Variants in TBL1X observed in about 807,000 individuals in gnomAD.
TBL1X encodes F-box-like/WD repeat-containing protein TBL1X.
A neutral mutation model predicts 50.7 loss-of-function variants in TBL1X; 10 were observed. The ratio of observed to expected loss-of-function variants is 0.20; its 90% CI spans 0.12 to 0.33. The LOEUF is 0.33. Among genes scored for constraint, TBL1X ranks in the 10% least tolerant of loss-of-function variants. TBL1X has a pLI of 1.00. For synonymous variants in TBL1X, 190 were observed against 214.7 expected, an observed-to-expected ratio of 0.88 and a Z score of 1.01; for missense variants, 340 against 504.4, an observed-to-expected ratio of 0.67 and a Z score of 3.12.
intron 2 of TBL1X, among the ~76,000 whole-genome samples, chrX:9,590,745 A>AT (rs1417120456): frequency 9.0e-6 from 1 of 110,972 alleles, no homozygotes; most frequent in African/African-American, 3.3e-5. Flanking sequence ...TATTGCTTTG[A>AT]TTTTTCATGA....
At chrX:9,568,714 C>CTG (rs758033244) in intron 2 of TBL1X, among the ~76,000 whole-genome samples, 1 of 100,159 alleles carries the variant, frequency 1.0e-5, no homozygotes, top group Non-Finnish European at 2.0e-5. Context: ...TTGTGTCTAT[C>CTG]TGCAGTGTGC....
At chrX:9,583,866 G>T (rs2082454672) in intron 2 of TBL1X, among the ~76,000 whole-genome samples, 1 of 112,149 alleles carries the variant, frequency 8.9e-6, no homozygotes, top group Admixed American at 9.4e-5. Flanking sequence ...AATGATTCCT[G>T]TGATACATGA....
At chrX:9,695,586 T>A (rs1490380855) in intron 11 of TBL1X, among the ~76,000 whole-genome samples, 1 of 112,420 alleles carries the variant, frequency 8.9e-6, no homozygotes, top group African/African-American at 3.2e-5. Context: ...AGCAGTTCAC[T>A]ACTGCATGTG....
At chrX:9,608,813 A>G (rs2082597110) in intron 2 of TBL1X, among the ~76,000 whole-genome samples, 1 of 111,994 alleles carries the variant, frequency 8.9e-6, no homozygotes, top group Non-Finnish European at 1.9e-5. Flanking sequence ...GGTGTTTCAG[A>G]CCCAGGTAGG....
chrX:9,695,655 T>C (rs757978673), intron 11 of TBL1X, among the ~76,000 whole-genome samples: 1 of 112,162 alleles, frequency 8.9e-6, no homozygotes, highest in South Asian at 3.7e-4. Flanking sequence ...ACTCCCATTC[T>C]ATAGAGGACG....
intron 3 of TBL1X, among the ~76,000 whole-genome samples, chrX:9,646,394 A>G (rs1421035763): frequency 8.9e-6 from 1 of 112,711 alleles, no homozygotes; most frequent in African/African-American, 3.2e-5. Context: ...TGGGATTTAT[A>G]TGTAAACTTT....
intron 1 of TBL1X, among the ~76,000 whole-genome samples, chrX:9,482,154 A>C (rs1302776583): frequency 8.9e-6 from 1 of 112,070 alleles, no homozygotes; most frequent in Non-Finnish European, 1.9e-5. Flanking sequence ...AATGCTTTCA[A>C]ATTTTTCTTT....
At chrX:9,659,316 G>C (rs971618085) in intron 5 of TBL1X, among the ~76,000 whole-genome samples, 12 of 111,941 alleles carry the variant, frequency 1.1e-4, no homozygotes, top group Admixed American at 1.9e-4. Context: ...TCTGTCCCTA[G>C]AGTTTTGCCC....
At chrX:9,467,913 A>G (rs979682252) in intron 1 of TBL1X, among the ~76,000 whole-genome samples, 1 of 112,424 alleles carries the variant, frequency 8.9e-6, no homozygotes, top group Non-Finnish European at 1.9e-5. Flanking sequence ...GACAGCCGTT[A>G]AGGAGTCCGC....
chrX:9,535,612 A>T (rs1441918839), intron 2 of TBL1X, among the ~76,000 whole-genome samples: 3 of 112,388 alleles, frequency 2.7e-5, no homozygotes, highest in Non-Finnish European at 5.6e-5. Flanking sequence ...TTTTGTGAAA[A>T]TAACCTTGCA....
chrX:9,552,069 G>T (rs1360059270), intron 2 of TBL1X, among the ~76,000 whole-genome samples: 1 of 112,403 alleles, frequency 8.9e-6, no homozygotes, highest in African/African-American at 3.2e-5. Flanking sequence ...GTGCAGTGAG[G>T]TGGCACTGGA....
chrX:9,630,383 C>T (rs1457692901), intron 2 of TBL1X, among the ~76,000 whole-genome samples: 3 of 111,540 alleles, frequency 2.7e-5, no homozygotes, highest in Admixed American at 9.5e-5. Flanking sequence ...CCCTCGGTAT[C>T]TGTGGGGTAT....
At chrX:9,566,669 C>T (rs1244455157) in intron 2 of TBL1X, among the ~76,000 whole-genome samples, 1 of 112,293 alleles carries the variant, frequency 8.9e-6, no homozygotes, top group Admixed American at 9.4e-5. Flanking sequence ...TTGAATTTCT[C>T]TGGAGTTGAA....
At chrX:9,686,824 G>A (rs1279605162) in intron 6 of TBL1X, among the ~76,000 whole-genome samples, 4 of 112,499 alleles carry the variant, frequency 3.6e-5, no homozygotes, top group African/African-American at 6.5e-5. Context: ...GGAGGAAGGG[G>A]GTGTGGGAGC....
At chrX:9,591,388 A>G (rs2082499148) in intron 2 of TBL1X, among the ~76,000 whole-genome samples, 1 of 112,293 alleles carries the variant, frequency 8.9e-6, no homozygotes, top group Admixed American at 9.4e-5. Flanking sequence ...GCCTTGCTGT[A>G]GATCCCAATC....
At chrX:9,708,719 AAAAAAG>A (rs1285834371) in intron 13 of TBL1X, among the ~76,000 whole-genome samples, 11 of 107,160 alleles carry the variant, frequency 1.0e-4, no homozygotes, top group Admixed American at 8.0e-4. Flanking sequence ...AAAAAAAAAA[AAAAAAG>A]GGCATGGTGG....
At chrX:9,585,693 T>C (rs1388523732) in intron 2 of TBL1X, among the ~76,000 whole-genome samples, 2 of 111,482 alleles carry the variant, frequency 1.8e-5, no homozygotes, top group African/African-American at 6.5e-5. Context: ...AGGCCTCTCT[T>C]CTTGGCTTGT....
chrX:9,598,870 A>G (rs1164585389), intron 2 of TBL1X, among the ~76,000 whole-genome samples: 1 of 109,045 alleles, frequency 9.2e-6, no homozygotes, highest in Non-Finnish European at 1.9e-5. Context: ...TCATTTGCAC[A>G]TGGCCTTTTC....
In TBL1X at chrX:9,602,395, T is replaced by A. The variant is rs1227562792; in HGVS notation, c.-130-37878T>A. Among the ~76,000 whole-genome samples, 4 of 110,546 alleles carry A rather than the reference T, an allele frequency of 3.6e-5. No individual in the cohort carries two copies. In the Admixed American group the frequency reaches 3.9e-4, roughly 11 times the overall value. On this transcript the variant is annotated intron_variant, in intron 2 of 17. Transcript: ENST00000645353. ...AGATAGGTACTATCTGCATTTCAGC[T>A]TAGCTTGCCGCCAGTGTTCTGGTTT... is the stretch of plus-strand genomic sequence containing the variant.
Sources: gnomAD v4.1 joint callset for allele counts (sites outside exome capture counted in the v4.1 genomes callset) on GRCh38, gnomAD v4.1.1 for gene constraint, MANE v1.5 for transcripts, NCBI Gene and HGNC (gene_info 2026-07-23, HGNC 2026-07-21) for gene names.